The following OXR1 variants were observed in gnomAD, a reference collection of about 807,000 sequenced individuals.
The protein encoded by OXR1 is oxidation resistance protein 1.
A neutral mutation model predicts 104.6 loss-of-function variants in OXR1; 41 were observed. The ratio of observed to expected loss-of-function variants is 0.39; its 90% CI spans 0.31 to 0.51. OXR1 has a LOEUF of 0.51. Ranked by LOEUF, OXR1 falls within the 20% of genes least tolerant of loss-of-function variation. OXR1 has a pLI of 0.77. For missense variants in OXR1, 955 were observed against 1,031.9 expected (o/e 0.93, Z 1.02); for synonymous variants, 348 against 348.4 (o/e 1.00, Z 0.01).
intron 2 of OXR1, among the ~76,000 whole-genome samples, chr8:106,365,225 G>C (rs1483616434): frequency 6.6e-6 from 1 of 152,036 alleles, no homozygotes; most frequent in Non-Finnish European, 1.5e-5. Context: ...TTAGTTGTGA[G>C]AGATAATATG....
intron 3 of OXR1, among the ~76,000 whole-genome samples, chr8:106,569,691 T>C (rs1322612657): frequency 6.6e-6 from 1 of 152,228 alleles, no homozygotes; most frequent in Non-Finnish European, 1.5e-5. Flanking sequence ...AAATTGTCCA[T>C]TGACATTCAC....
intron 1 of OXR1, among the ~76,000 whole-genome samples, chr8:106,273,231 A>G (rs1811889508): frequency 6.6e-6 from 1 of 151,460 alleles, no homozygotes; most frequent in Non-Finnish European, 1.5e-5. Flanking sequence ...CCCTAAGATA[A>G]AGTCATTACA....
chr8:106,560,932 A>G (rs1816628501), intron 3 of OXR1, among the ~76,000 whole-genome samples: 1 of 152,130 alleles, frequency 6.6e-6, no homozygotes, highest in Admixed American at 6.5e-5. Flanking sequence ...CCCCTAGCCA[A>G]GGGAAGCTGT....
chr8:106,446,390 C>G (rs377446014), intron 2 of OXR1, among the ~76,000 whole-genome samples: 1 of 152,072 alleles, frequency 6.6e-6, no homozygotes, highest in Non-Finnish European at 1.5e-5. Flanking sequence ...GAGGCTGAGG[C>G]GAGCAGATCA....
At chr8:106,285,955 G>C (rs62526140) in intron 1 of OXR1, among the ~76,000 whole-genome samples, 1 of 70,358 alleles carries the variant, frequency 1.4e-5, no homozygotes, top group Non-Finnish European at 3.3e-5. Context: ...TTTGTGGACT[G>C]CCCTCGCCCC....
At chr8:106,750,439 C>A (rs1167903945) in intron 16 of OXR1, among the ~76,000 whole-genome samples, 1 of 151,194 alleles carries the variant, frequency 6.6e-6, no homozygotes, top group African/African-American at 2.4e-5. Flanking sequence ...GCTTCTCCTG[C>A]CTCTGCCTCC....
chr8:106,327,992 G>A (rs1035249647), intron 1 of OXR1, among the ~76,000 whole-genome samples: 2 of 152,144 alleles, frequency 1.3e-5, no homozygotes, highest in African/African-American at 4.8e-5. Context: ...GGAAACTAAA[G>A]GATGTGGGTT....
chr8:106,322,523 A>T (rs923285853), intron 1 of OXR1, among the ~76,000 whole-genome samples: 5 of 152,180 alleles, frequency 3.3e-5, no homozygotes, highest in African/African-American at 1.2e-4. Flanking sequence ...ACAGTATTGG[A>T]AGTCCTAACC....
chr8:106,365,086 G>C (rs1816410007), intron 2 of OXR1, among the ~76,000 whole-genome samples: 1 of 152,072 alleles, frequency 6.6e-6, no homozygotes, highest in African/African-American at 2.4e-5. Flanking sequence ...AGTAAAGGAG[G>C]AAAAGTCAGA....
At chr8:106,621,028 G>A (rs979496343) in intron 3 of OXR1, among the ~76,000 whole-genome samples, 2 of 152,074 alleles carry the variant, frequency 1.3e-5, no homozygotes, top group Non-Finnish European at 2.9e-5. Flanking sequence ...ATGATGATAC[G>A]ACCCATTAAC....
chr8:106,503,084 A>G (rs1466038260), intron 2 of OXR1, among the ~76,000 whole-genome samples: 1 of 152,154 alleles, frequency 6.6e-6, no homozygotes, highest in Non-Finnish European at 1.5e-5. Flanking sequence ...TCCAGCATTT[A>G]GCACAGGGCA....
intron 7 of OXR1, among the ~76,000 whole-genome samples, chr8:106,702,502 CATT>C (rs1310216189): frequency 6.6e-6 from 1 of 152,068 alleles, no homozygotes; most frequent in Non-Finnish European, 1.5e-5. Flanking sequence ...ATATTATCAA[CATT>C]ATTTATTGAG....
chr8:106,737,440 C>CTTTTTTTTT (rs71562118), intron 11 of OXR1, 80 bp from the exon 12 acceptor site: 6 of 148,072 alleles, frequency 4.1e-5, no homozygotes, highest in Admixed American at 1.4e-4. Flanking sequence ...AATTTCTCCT[C>CTTTTTTTTT]TTTTTTTTTT....
At chr8:106,344,570 C>T (rs1207246448) in intron 1 of OXR1, among the ~76,000 whole-genome samples, 1 of 152,130 alleles carries the variant, frequency 6.6e-6, no homozygotes, top group Admixed American at 6.5e-5. Context: ...ATCTCCTGAC[C>T]TCATGATCCA....
chr8:106,694,897 A>G (rs1199755512), intron 7 of OXR1, among the ~76,000 whole-genome samples: 2 of 80,782 alleles, frequency 2.5e-5, no homozygotes, highest in East Asian at 3.2e-4. Flanking sequence ...ATAGATAAAT[A>G]TATTTATCTA....
At chr8:106,410,031 A>T (rs1818401548) in intron 2 of OXR1, among the ~76,000 whole-genome samples, 1 of 151,964 alleles carries the variant, frequency 6.6e-6, no homozygotes, top group African/African-American at 2.4e-5. Context: ...AACTTTTTTA[A>T]AGAAACTACC....
At chr8:106,693,374 A>T (rs544271941) in intron 7 of OXR1, among the ~76,000 whole-genome samples, 3 of 151,966 alleles carry the variant, frequency 2.0e-5, no homozygotes, top group African/African-American at 7.2e-5. Flanking sequence ...GGAAAGGTTA[A>T]TAGGTCCAAG....
At chr8:106,300,773 C>A (rs1421034610) in intron 1 of OXR1, among the ~76,000 whole-genome samples, 3 of 152,134 alleles carry the variant, frequency 2.0e-5, no homozygotes, top group Non-Finnish European at 4.4e-5. Context: ...CAAGAAGCTC[C>A]TGTGCATTAT....
intron 2 of OXR1, among the ~76,000 whole-genome samples, chr8:106,373,883 C>G (rs929137683): frequency 6.6e-6 from 1 of 152,196 alleles, no homozygotes; most frequent in African/African-American, 2.4e-5. Context: ...AGCCACTGCA[C>G]CCAGCCCTGA....
Sources: allele counts gnomAD v4.1 joint callset (sites outside exome capture counted in the v4.1 genomes callset), GRCh38; gene constraint gnomAD v4.1.1; transcripts MANE v1.5; gene names NCBI Gene and HGNC (gene_info 2026-07-23, HGNC 2026-07-21).